TNIK: variants seen among roughly 807,000 people sequenced by gnomAD.
TNIK encodes the protein TRAF2 and NCK-interacting protein kinase.
A neutral mutation model predicts 191.3 loss-of-function variants in TNIK; 49 were observed. The observed-to-expected ratio is 0.26, with a 90% CI of 0.20 to 0.32. TNIK has a LOEUF of 0.32. Among genes scored for constraint, TNIK ranks in the 10% least tolerant of loss-of-function variants. TNIK has a pLI of 1.00. For synonymous variants in TNIK, 594 were observed against 600.9 expected (o/e 0.99, Z 0.17); for missense variants, 1,155 against 1,702.3 (o/e 0.68, Z 5.66).
Position 171,063,532 on chromosome 3 carries a change from A to C in TNIK, c.*349T>G. ...CTTGCAGAGTAAAGGGGTAAAGAAA[A>C]AAGGTAAAAACCTGAAAACCCACCA... On this transcript the variant is annotated 3_prime_UTR_variant, in exon 33 of 33. Coordinates refer to ENST00000436636, the MANE Select transcript of TNIK (RefSeq NM_015028.4). 1 of 178,424 alleles carries C rather than the reference A, an allele frequency of 5.6e-6. No homozygotes were observed. The allele number at this position is 178,424 out of a possible 1,614,324, so 11.1% of individuals were successfully genotyped here. A position where few individuals can be genotyped will look rare whatever the true frequency, so the allele number is the denominator to read the frequency against.
At position 171,107,191 on chromosome 3, in the gene TNIK, T is replaced by C; in HGVS notation, c.2398A>G (p.Ile800Val). 1.2e-6 allele frequency: 2 copies of C among 1,612,458 alleles called. No homozygotes were observed. The highest frequency in any genetic ancestry group is 1.7e-6 in the Non-Finnish European group (2 of 1,179,392). The change falls in exon 21 of 33, where the codon ATA (isoleucine) becomes GTA (valine). Residue 800 changes from isoleucine (I) to valine (V), a missense_variant. Around this residue, in one of 3 missense-constraint regions of TNIK, gnomAD observed 735 missense variants for 848.0 expected, o/e 0.87. Transcript: ENST00000436636. ...GAAAAGGTAATACTAACCTCATCTA[T>C]AGCTTTTTTGTAGCTCTGAAATGAG... ...PSRPASYKKAIDEDLTALAKE... is the reference protein window; with the variant it reads ...PSRPASYKKAVDEDLTALAKE...
rs921966617 is a variant in TNIK at position 171,366,139 on chromosome 3, G to A, written c.123+3481C>T. ...TAAACAGCCAAGACCTTTAGTAAAT[G>A]GGTATGTGGCCTTTTGTTGGTTTAT... On this transcript the variant is annotated intron_variant, in intron 2 of 32. Transcript: ENST00000436636. The surrounding 1 kb of genome is among the most constrained non-coding windows in gnomAD (Gnocchi z 4.1). 6.6e-6 allele frequency among the ~76,000 whole-genome samples: 1 copy of A among 152,178 alleles called. No homozygotes were observed. Among genetic ancestry groups the A allele is most frequent in the African/African-American group, 2.4e-5 (1 of 41,434 alleles).
At chr3:171,124,392 T>C (rs1486422117) in intron 17 of TNIK, among the ~76,000 whole-genome samples, 1 of 152,210 alleles carries the variant, frequency 6.6e-6, no homozygotes, top group African/African-American at 2.4e-5. Context: ...AAAGGCTGTG[T>C]AAGTACCAAT....
At chr3:171,252,208 C>T (rs1746322667) in intron 2 of TNIK, among the ~76,000 whole-genome samples, 1 of 152,134 alleles carries the variant, frequency 6.6e-6, no homozygotes, top group South Asian at 2.1e-4. Flanking sequence ...AAAATGCCTC[C>T]ATTTTACCTA....
At chr3:171,112,829 C>T (rs1726050854) in intron 18 of TNIK, among the ~76,000 whole-genome samples, 1 of 152,046 alleles carries the variant, frequency 6.6e-6, no homozygotes, top group Non-Finnish European at 1.5e-5. Context: ...GTTACTTGAC[C>T]ATTTCTCTGC....
intron 2 of TNIK, among the ~76,000 whole-genome samples, chr3:171,235,559 A>C (rs1744165060): frequency 6.6e-6 from 1 of 152,158 alleles, no homozygotes. Context: ...CCTGAACACT[A>C]GTCCAAGGTA....
intron 7 of TNIK, among the ~76,000 whole-genome samples, chr3:171,188,147 T>C (rs1286728471): frequency 6.6e-6 from 1 of 152,202 alleles, no homozygotes; most frequent in Non-Finnish European, 1.5e-5. Context: ...GTTTATAATA[T>C]AAAGTAACAA....
intron 1 of TNIK, among the ~76,000 whole-genome samples, chr3:171,421,158 A>G (rs552023789): frequency 6.6e-6 from 1 of 152,176 alleles, no homozygotes; most frequent in Non-Finnish European, 1.5e-5. Context: ...CAAAAAATGC[A>G]TATTAGTTCT....
chr3:171,380,037 A>G (rs1158447083), intron 1 of TNIK, among the ~76,000 whole-genome samples: 1 of 151,644 alleles, frequency 6.6e-6, no homozygotes, highest in South Asian at 2.1e-4. Context: ...GCGCACACAC[A>G]CACACACACA....
At chr3:171,164,783 T>C (rs1167145365) in intron 10 of TNIK, among the ~76,000 whole-genome samples, 1 of 152,236 alleles carries the variant, frequency 6.6e-6, no homozygotes, top group Non-Finnish European at 1.5e-5. Context: ...CAAGGAGCAA[T>C]TGAAAAATCA....
At chr3:171,332,301 G>A (rs113561966) in intron 2 of TNIK, among the ~76,000 whole-genome samples, 6,288 of 152,228 alleles carry the variant, frequency 0.041, 162 homozygotes, top group Non-Finnish European at 0.062. Flanking sequence ...CATTTAACTT[G>A]TTTACTGTTT....
intron 2 of TNIK, among the ~76,000 whole-genome samples, chr3:171,362,444 A>G (rs1715122494): frequency 6.6e-6 from 1 of 152,212 alleles, no homozygotes; most frequent in African/African-American, 2.4e-5. Context: ...AATACAAATA[A>G]TGCCATTCTA....
intron 1 of TNIK, among the ~76,000 whole-genome samples, chr3:171,415,597 A>T (rs1360231318): frequency 6.6e-6 from 1 of 152,170 alleles, no homozygotes; most frequent in East Asian, 1.9e-4. Context: ...GACAAAGAAC[A>T]AGTGTACAGA....
At chr3:171,333,071 C>T (rs1225428526) in intron 2 of TNIK, among the ~76,000 whole-genome samples, 1 of 152,116 alleles carries the variant, frequency 6.6e-6, no homozygotes, top group African/African-American at 2.4e-5. Context: ...ACAGCCACAA[C>T]TCTTAGGGAA....
intron 18 of TNIK, among the ~76,000 whole-genome samples, chr3:171,111,209 G>T (rs748222808): frequency 1.3e-5 from 2 of 152,042 alleles, no homozygotes; most frequent in African/African-American, 2.4e-5. Context: ...ATCACTTGAG[G>T]CCAGGAGTTC....
intron 2 of TNIK, among the ~76,000 whole-genome samples, chr3:171,332,285 G>A (rs981426177): frequency 3.9e-5 from 6 of 152,078 alleles, no homozygotes; most frequent in African/African-American, 1.4e-4. Flanking sequence ...ATTTTCCTAC[G>A]TGGAACATTT....
chr3:171,075,972 A>G (rs1719870906), intron 28 of TNIK, among the ~76,000 whole-genome samples: 1 of 152,114 alleles, frequency 6.6e-6, no homozygotes. Flanking sequence ...ACCTGACCTC[A>G]CGATCCACGT....
intron 1 of TNIK, among the ~76,000 whole-genome samples, chr3:171,380,129 C>T (rs1393835162): frequency 6.6e-6 from 1 of 152,132 alleles, no homozygotes; most frequent in East Asian, 1.9e-4. Context: ...CTGGTCCCTT[C>T]CCTCCCATCA....
chr3:171,093,906 A>G lies in TNIK; in HGVS notation c.2654T>C (p.Leu885Pro). 6.2e-7 allele frequency: 1 copy of G among 1,613,916 alleles called. No homozygotes were observed. The highest frequency in any genetic ancestry group is 8.5e-7 in the Non-Finnish European group (1 of 1,179,858). Residue 885 changes from leucine to proline, a missense_variant, in exon 23 of 33, where the codon CTG (leucine) becomes CCG (proline). By Grantham distance (98) the Leu-to-Pro change is moderately conservative. This residue lies in a region of TNIK where 735 missense variants were observed against 848.0 expected (regional missense o/e 0.87). Coordinates refer to ENST00000436636, the MANE Select transcript of TNIK (RefSeq NM_015028.4). ...YNVGMVGTHG[L>P]ETSHADSFSG... ...GAAACTGTCCGCATGAGAGGTCTCC[A>G]GCCCATGCGTCCCCACCATTCCCAC... is the stretch of plus-strand genomic sequence containing the variant.
Sources: gnomAD v4.1 joint callset for allele counts (sites outside exome capture counted in the v4.1 genomes callset) on GRCh38, gnomAD v4.1.1 for gene constraint, gnomAD v4.1.1 regional missense constraint, Gnocchi (gnomAD v3.1) non-coding constraint, MANE v1.5 for transcripts, NCBI Gene and HGNC (gene_info 2026-07-23, HGNC 2026-07-21) for gene names.